Variants in TTC7B observed in about 807,000 individuals in gnomAD.
The protein encoded by TTC7B is tetratricopeptide repeat protein 7B.
A neutral mutation model predicts 106.8 loss-of-function variants in TTC7B; 28 were observed. That is an observed-to-expected ratio of 0.26 (90% CI 0.19 to 0.36). The LOEUF (loss-of-function observed/expected upper bound fraction) is 0.36. Among genes scored for constraint, TTC7B ranks in the 10% least tolerant of loss-of-function variants. The pLI is 1.00. For missense variants in TTC7B, 862 were observed against 1,076.4 expected (o/e 0.80, Z 2.79); for synonymous variants, 405 against 430.6 (o/e 0.94, Z 0.74).
At chr14:90,544,855 C>A (rs1279458800) in intron 19 of TTC7B, among the ~76,000 whole-genome samples, 5 of 152,170 alleles carry the variant, frequency 3.3e-5, no homozygotes, top group Non-Finnish European at 5.9e-5. Context: ...AGCAGGGAGA[C>A]ACATGCTGCA....
chr14:90,623,053 C>T (rs1385889190), intron 15 of TTC7B, among the ~76,000 whole-genome samples: 3 of 152,142 alleles, frequency 2.0e-5, no homozygotes, highest in Non-Finnish European at 4.4e-5. Context: ...CCATTTCTGC[C>T]TTTTAAGCAC....
chr14:90,745,950 G>A (rs1595344331), intron 3 of TTC7B, among the ~76,000 whole-genome samples: 1 of 151,620 alleles, frequency 6.6e-6, no homozygotes, highest in East Asian at 2.0e-4. Flanking sequence ...TGATCTGCCC[G>A]ACTCAGCCTC....
At chr14:90,622,205 G>A (rs1289309534) in intron 15 of TTC7B, among the ~76,000 whole-genome samples, 3 of 149,068 alleles carry the variant, frequency 2.0e-5, no homozygotes, top group South Asian at 2.1e-4. Context: ...GTCAACCTCC[G>A]CCTCCCAGGT....
intron 3 of TTC7B, among the ~76,000 whole-genome samples, chr14:90,763,931 C>A (rs1242176701): frequency 6.6e-6 from 1 of 152,174 alleles, no homozygotes; most frequent in Non-Finnish European, 1.5e-5. Context: ...AGATTCAACA[C>A]AATCCCTACC....
At chr14:90,717,850 C>T (rs1417636178) in intron 5 of TTC7B, among the ~76,000 whole-genome samples, 1 of 152,142 alleles carries the variant, frequency 6.6e-6, no homozygotes, top group Non-Finnish European at 1.5e-5. Context: ...TGCATGCTTC[C>T]CCCTCCTCTC....
At chr14:90,780,967 CAG>C in intron 2 of TTC7B, 61 bp from the exon 3 acceptor site, 1 of 1,500,532 alleles carries the variant, frequency 6.7e-7, no homozygotes, top group Non-Finnish European at 9.2e-7. Flanking sequence ...GATGCTCCCT[CAG>C]AGTCTGGCCA....
At position 90,525,507 on chromosome 14, in the gene TTC7B, C is replaced by CGGT. The variant is rs1184638240; in HGVS notation, c.*15858_*15860dup. 6.6e-6 allele frequency: 1 copy of CGGT among 151,568 alleles called. No individual in the cohort carries two copies. Among genetic ancestry groups the CGGT allele is most frequent in the Non-Finnish European group, 1.5e-5 (1 of 67,950 alleles). The allele number at this position is 151,568 out of a possible 1,614,324, so 9.4% of individuals were successfully genotyped here. On this transcript the variant is annotated 3_prime_UTR_variant, in exon 20 of 20. Coordinates refer to ENST00000328459, the MANE Select transcript of TTC7B (RefSeq NM_001010854.2). ...ACCGCTTTCGCCCTGCGGCCCGGCT[C>CGGT]GGTAGCCTGATCAGTCGCGTTCCCG... is the stretch of plus-strand genomic sequence containing the variant.
chr14:90,550,149 C>T (rs1247098430), intron 19 of TTC7B, among the ~76,000 whole-genome samples: 1 of 152,260 alleles, frequency 6.6e-6, no homozygotes, highest in Admixed American at 6.5e-5. Context: ...AATTGCAGCT[C>T]ACCTACCCCA....
intron 3 of TTC7B, among the ~76,000 whole-genome samples, chr14:90,773,564 C>G (rs74451140): frequency 0.085 from 12,952 of 152,184 alleles, 587 homozygotes; most frequent in East Asian, 0.16. Flanking sequence ...TAAATCACCA[C>G]GCACCATGCC....
chr14:90,589,548 T>C (rs1042288637), intron 18 of TTC7B, among the ~76,000 whole-genome samples: 2 of 152,230 alleles, frequency 1.3e-5, no homozygotes, highest in Non-Finnish European at 2.9e-5. Flanking sequence ...TACAGACAGA[T>C]TTTTTTCAGA....
Position 90,578,255 on chromosome 14 carries a change from C to G in TTC7B, c.2161G>C (p.Glu721Gln). 1 of 1,614,198 alleles carries G rather than the reference C, an allele frequency of 6.2e-7. No individual in the cohort carries two copies. The highest frequency in any genetic ancestry group is 8.5e-7 in the Non-Finnish European group (1 of 1,180,042). ...KPAEATACTQEAANLFPMSHN... is the reference protein window; with the variant it reads ...KPAEATACTQQAANLFPMSHN... ...GACATTGGGAAGAGGTTGGCAGCTT[C>G]TTGGGTACAGGCTGTGGCTTCTGCA... Residue 721 changes from glutamate (E) to glutamine (Q), a missense_variant, in exon 19 of 20, where the codon GAA (glutamate) becomes CAA (glutamine). Coordinates refer to ENST00000328459, the MANE Select transcript of TTC7B (RefSeq NM_001010854.2). This position sits in a 1 kb window ranked among gnomAD's most constrained non-coding sequence, Gnocchi z 4.7.
intron 18 of TTC7B, among the ~76,000 whole-genome samples, chr14:90,590,036 G>A (rs1449931370): frequency 1.3e-5 from 2 of 152,202 alleles, no homozygotes; most frequent in Admixed American, 1.3e-4. Context: ...TACAGCATGT[G>A]AGATTTCTGG....
intron 19 of TTC7B, among the ~76,000 whole-genome samples, chr14:90,555,702 T>G (rs1890272464): frequency 6.6e-6 from 1 of 152,148 alleles, no homozygotes; most frequent in Non-Finnish European, 1.5e-5. Context: ...GAGGGAGAAA[T>G]GGCTGTGAGA....
intron 5 of TTC7B, among the ~76,000 whole-genome samples, chr14:90,703,507 A>G (rs565192038): frequency 9.8e-5 from 15 of 152,308 alleles, no homozygotes; most frequent in East Asian, 5.8e-4. Context: ...GGAGAACTGC[A>G]TTTCCAACAC....
At chr14:90,743,990 A>G (rs905252431) in intron 4 of TTC7B, among the ~76,000 whole-genome samples, 1 of 151,922 alleles carries the variant, frequency 6.6e-6, no homozygotes, top group East Asian at 1.9e-4. Context: ...TCCATCACCC[A>G]CACCACAGGC....
At position 90,624,093 on chromosome 14, in the gene TTC7B, T is replaced by C. The variant is rs1489503349; in HGVS notation, c.1752-6048A>G. Among the ~76,000 whole-genome samples the C allele has an allele frequency of 6.6e-6, 1 of 152,174 alleles. No homozygotes were observed. Among genetic ancestry groups the C allele is most frequent in the Non-Finnish European group, 1.5e-5 (1 of 68,044 alleles). On this transcript the variant is annotated intron_variant, in intron 15 of 19. Transcript: ENST00000328459. The surrounding 1 kb of genome is among the most constrained non-coding windows in gnomAD (Gnocchi z 4.0). ...GTATGCATATGCGTGTGCGTGTATA[T>C]GTGTGCATGTGTGTGTGCGCGTGCG... is the stretch of plus-strand genomic sequence containing the variant.
At chr14:90,590,509 G>A (rs1891910637) in intron 18 of TTC7B, among the ~76,000 whole-genome samples, 1 of 152,150 alleles carries the variant, frequency 6.6e-6, no homozygotes, top group South Asian at 2.1e-4. Context: ...TGGGTGTCAG[G>A]CCTTGATCTA....
At position 90,663,444 on chromosome 14, in the gene TTC7B, G is replaced by A. The variant is rs1045984449; in HGVS notation, c.1153-5057C>T. ...TCTTGAACTGTTTCAGAGACTCAGCGATATGGTTTTTTTTTTGCTGCTAAT... is the reference window on the plus strand; with the variant it reads ...TCTTGAACTGTTTCAGAGACTCAGCAATATGGTTTTTTTTTTGCTGCTAAT... On this transcript the variant is annotated intron_variant, in intron 9 of 19. Coordinates refer to ENST00000328459, the MANE Select transcript of TTC7B (RefSeq NM_001010854.2). The surrounding 1 kb of genome is among the most constrained non-coding windows in gnomAD (Gnocchi z 4.5). 7.4e-6 allele frequency among the ~76,000 whole-genome samples: 1 copy of A among 135,616 alleles called. No individual in the cohort carries two copies. Among genetic ancestry groups the A allele is most frequent in the Admixed American group, 7.0e-5 (1 of 14,272 alleles). 89.0% of individuals were successfully genotyped at this position (135,616 alleles called of 152,430 possible). A position where few individuals can be genotyped will look rare whatever the true frequency, so the allele number is the denominator to read the frequency against.
At chr14:90,610,316 C>A (rs887070219) in intron 17 of TTC7B, among the ~76,000 whole-genome samples, 4 of 152,204 alleles carry the variant, frequency 2.6e-5, no homozygotes, top group African/African-American at 9.7e-5. Flanking sequence ...ACAGTGGAAC[C>A]CACCTGCCAC....
Sources: allele counts gnomAD v4.1 joint callset (sites outside exome capture counted in the v4.1 genomes callset), GRCh38; gene constraint gnomAD v4.1.1; non-coding constraint Gnocchi (gnomAD v3.1); transcripts MANE v1.5; gene names NCBI Gene and HGNC (gene_info 2026-07-23, HGNC 2026-07-21).